Variants in EPHA5 observed in about 807,000 individuals in gnomAD.
EPHA5 encodes the protein ephrin type-A receptor 5.
Under a neutral mutation model 105.0 loss-of-function variants are expected in EPHA5, and 60 were observed. The ratio of observed to expected loss-of-function variants is 0.57; its 90% CI spans 0.46 to 0.71. EPHA5 has a LOEUF of 0.71. Ranked by LOEUF, EPHA5 falls within the 30% of genes least tolerant of loss-of-function variation. The pLI is 0.00. For missense variants in EPHA5, 1,218 were observed against 1,274.7 expected, an observed-to-expected ratio of 0.96 and a Z score of 0.68; for synonymous variants, 513 against 449.1, an observed-to-expected ratio of 1.14 and a Z score of -1.80.
intron 3 of EPHA5, among the ~76,000 whole-genome samples, chr4:65,577,973 T>C (rs942161764): frequency 1.6e-4 from 25 of 152,200 alleles, no homozygotes; most frequent in Non-Finnish European, 8.8e-5. Context: ...CTAGAATTTA[T>C]AGCACTTAAT....
At chr4:65,650,218 C>T (rs1035511014) in intron 1 of EPHA5, among the ~76,000 whole-genome samples, 2 of 151,936 alleles carry the variant, frequency 1.3e-5, no homozygotes, top group African/African-American at 4.8e-5. Context: ...AATTGTGCTC[C>T]CATGTTCCCT....
chr4:65,669,655 C>A lies in EPHA5; in HGVS notation c.88G>T (p.Gly30Cys), dbSNP rs747419095. Residue 30 changes from glycine to cysteine, a missense_variant, in exon 1 of 17, where the codon GGC becomes TGC. Physicochemically the swap from Gly to Cys is radical, Grantham distance 159. Coordinates refer to ENST00000613740, the MANE Select transcript of EPHA5 (RefSeq NM_001281766.3). ...DTPITPASLA[G>C]CYSAPRRAPL... ...GCCCGTCGAGGTGCAGAGTAGCAGC[C>A]GGCCAGGGACGCTGGGGTGATGGGG... The A allele has an allele frequency of 2.2e-6, 3 of 1,377,772 alleles. No homozygotes were observed. Among genetic ancestry groups the A allele is most frequent in the African/African-American group, 3.0e-5 (2 of 67,014 alleles). 85.3% of individuals were successfully genotyped at this position (1,377,772 alleles called of 1,614,324 possible).
intron 3 of EPHA5, among the ~76,000 whole-genome samples, chr4:65,525,855 T>C (rs1735177350): frequency 6.6e-6 from 1 of 151,878 alleles, no homozygotes; most frequent in South Asian, 2.1e-4. Flanking sequence ...TGTATTTCTG[T>C]TTCTCAAACA....
intron 8 of EPHA5, among the ~76,000 whole-genome samples, chr4:65,392,194 T>C (rs78660956): frequency 0.028 from 4,222 of 152,208 alleles, 86 homozygotes; most frequent in Admixed American, 0.074. Flanking sequence ...ATTATTTTGA[T>C]TCAGAGCCTT....
rs77861205 is a variant in EPHA5 at position 65,368,938 on chromosome 4, C to T, written c.1794-1514G>A. Among the ~76,000 whole-genome samples the T allele has an allele frequency of 8.1e-3, 1,230 of 152,206 alleles. 13 individuals are homozygous for T. Among genetic ancestry groups the T allele is most frequent in the African/African-American group, 0.028 (1,149 of 41,542 alleles). On this transcript the variant is annotated intron_variant, in intron 8 of 16. Transcript: ENST00000613740. The stretch of plus-strand genomic sequence containing the variant: ...TTCAGTTCCATTTTTTCCTTCTTCA[C>T]GTTTTTCCCAATACTTAAACTTAAT...
chr4:65,494,640 T>C (rs1578249146), intron 4 of EPHA5, among the ~76,000 whole-genome samples: 1 of 152,354 alleles, frequency 6.6e-6, no homozygotes, highest in Admixed American at 6.5e-5. Context: ...CTATATCTAC[T>C]GCAAATGTCA....
At position 65,351,561 on chromosome 4, in the gene EPHA5, C is replaced by T. The variant is rs2148855631; in HGVS notation, c.2273G>A (p.Gly758Asp). The T allele has an allele frequency of 6.2e-7, 1 of 1,613,584 alleles. No homozygotes were observed. The highest frequency in any genetic ancestry group is 8.5e-7 in the Non-Finnish European group (1 of 1,179,716). The change falls in exon 13 of 17, where the codon GGC (glycine) becomes GAC (aspartate). Residue 758 changes from glycine to aspartate, a missense_variant. Physicochemically the swap from Gly to Asp is moderately conservative, Grantham distance 94. Transcript: ENST00000613740. ...TCCTGCAGAGATACCTCTCAGCATGCCAACAAGCTGAATCACAGTGAACTG... is the reference window on the plus strand; with the variant it reads ...TCCTGCAGAGATACCTCTCAGCATGTCAACAAGCTGAATCACAGTGAACTG... ...DGQFTVIQLV[G>D]MLRGISAGMK...
At chr4:65,656,833 C>G (rs1375233798) in intron 1 of EPHA5, among the ~76,000 whole-genome samples, 1 of 151,046 alleles carries the variant, frequency 6.6e-6, no homozygotes, top group African/African-American at 2.4e-5. Context: ...AATTTTAACC[C>G]TCCCATCTAG....
At chr4:65,572,930 C>G (rs574306951) in intron 3 of EPHA5, among the ~76,000 whole-genome samples, 1 of 151,982 alleles carries the variant, frequency 6.6e-6, no homozygotes, top group Non-Finnish European at 1.5e-5. Context: ...ACTCAGGAGA[C>G]TTAGGCAAGA....
In EPHA5 at chr4:65,335,994, G is replaced by T; in HGVS notation, c.2727C>A (p.Asn909Lys). ...NSRPKFDEIV[N>K]MLDKLIRNPS... ...GGTTACGTATCAGCTTGTCCAACAT[G>T]TTGACTATTTCATCAAACTTGGGCC... is the stretch of plus-strand genomic sequence containing the variant. Residue 909 changes from asparagine (N) to lysine (K), a missense_variant, in exon 15 of 17, where the codon AAC (asparagine) becomes AAA (lysine). By Grantham distance (94) the Asn-to-Lys change is moderately conservative. Around this residue, in one of 3 missense-constraint regions of EPHA5, gnomAD observed 971 missense variants for 1,013.5 expected, o/e 0.96. Transcript: ENST00000613740. 1 of 1,613,232 alleles carries T rather than the reference G, an allele frequency of 6.2e-7. No homozygotes were observed. The highest frequency in any genetic ancestry group is 8.5e-7 in the Non-Finnish European group (1 of 1,179,532).
At chr4:65,357,344 C>T (rs1577905729) in intron 11 of EPHA5, among the ~76,000 whole-genome samples, 1 of 151,342 alleles carries the variant, frequency 6.6e-6, no homozygotes, top group East Asian at 1.9e-4. Flanking sequence ...AATATTAAGG[C>T]TGTTTTCCTT....
intron 8 of EPHA5, among the ~76,000 whole-genome samples, chr4:65,398,293 C>T (rs969878695): frequency 6.6e-6 from 1 of 152,200 alleles, no homozygotes; most frequent in African/African-American, 2.4e-5. Context: ...GGTGCTGACA[C>T]AGCAGTCCCC....
intron 3 of EPHA5, among the ~76,000 whole-genome samples, chr4:65,528,410 C>CTT (rs34832834): frequency 0.25 from 37,627 of 151,718 alleles, 4,822 homozygotes; most frequent in African/African-American, 0.3. Context: ...TTTGTGCACT[C>CTT]AAGAAATATA....
At chr4:65,631,760 G>C (rs1305028609) in intron 2 of EPHA5, among the ~76,000 whole-genome samples, 2 of 149,116 alleles carry the variant, frequency 1.3e-5, no homozygotes, top group Admixed American at 6.8e-5. Flanking sequence ...TAATAAAAGA[G>C]ATTAATAAGA....
intron 8 of EPHA5, among the ~76,000 whole-genome samples, chr4:65,389,900 C>T (rs897799050): frequency 5.3e-5 from 8 of 151,960 alleles, no homozygotes; most frequent in Admixed American, 3.9e-4. Flanking sequence ...TTAATTTCCA[C>T]AGGGAGGTCA....
intron 8 of EPHA5, among the ~76,000 whole-genome samples, chr4:65,376,617 G>A (rs1352606164): frequency 6.6e-6 from 1 of 151,918 alleles, no homozygotes; most frequent in Non-Finnish European, 1.5e-5. Flanking sequence ...CCATGGTTTT[G>A]GGAAACAGAA....
chr4:65,445,840 T>C (rs1726466189), intron 5 of EPHA5, among the ~76,000 whole-genome samples: 1 of 152,188 alleles, frequency 6.6e-6, no homozygotes, highest in Non-Finnish European at 1.5e-5. Context: ...TTTCTTCTTT[T>C]ATCTTCTCTA....
chr4:65,384,434 A>G (rs905441467), intron 8 of EPHA5, among the ~76,000 whole-genome samples: 1 of 151,950 alleles, frequency 6.6e-6, no homozygotes, highest in Non-Finnish European at 1.5e-5. Flanking sequence ...ATAACTGCAA[A>G]CTTCCCTAAT....
intron 5 of EPHA5, among the ~76,000 whole-genome samples, chr4:65,436,037 T>A (rs569142489): frequency 6.6e-6 from 1 of 152,200 alleles, no homozygotes; most frequent in East Asian, 1.9e-4. Flanking sequence ...TCTCAATGGA[T>A]AATGATAACA....
Sources: gnomAD v4.1 joint callset for allele counts (sites outside exome capture counted in the v4.1 genomes callset) on GRCh38, gnomAD v4.1.1 for gene constraint, gnomAD v4.1.1 regional missense constraint, MANE v1.5 for transcripts, NCBI Gene and HGNC (gene_info 2026-07-23, HGNC 2026-07-21) for gene names.